The following MAML2 variants were observed in gnomAD, a reference collection of about 807,000 sequenced individuals.
The protein encoded by MAML2 is mastermind like transcriptional coactivator 2, also known as mastermind-like protein 2.
In MAML2, 22 loss-of-function variants were observed where a neutral mutation model predicts 96.1. That is an observed-to-expected ratio of 0.23 (90% CI 0.16 to 0.33). The LOEUF is 0.33. MAML2 is among the 10% of genes least tolerant of loss of function. The probability of loss-of-function intolerance (pLI) is 1.00; values close to 1 mark genes in which losing one functional copy is unlikely to be tolerated. For missense variants in MAML2, 1,367 were observed against 1,392.4 expected (o/e 0.98, Z 0.29); for synonymous variants, 561 against 521.3 (o/e 1.08, Z -1.04).
intron 1 of MAML2, among the ~76,000 whole-genome samples, chr11:96,169,687 G>A (rs1298161851): frequency 7.1e-6 from 1 of 140,652 alleles, no homozygotes; most frequent in African/African-American, 2.6e-5. Flanking sequence ...ATGGAGTCTA[G>A]CTCTGTCACT....
chr11:96,335,623 G>T (rs994327290), intron 1 of MAML2, among the ~76,000 whole-genome samples: 2 of 152,194 alleles, frequency 1.3e-5, no homozygotes, highest in African/African-American at 4.8e-5. Flanking sequence ...TAGGCAATGC[G>T]CTGTGAGAAG....
At chr11:95,994,316 AT>A (rs1857958155) in intron 2 of MAML2, among the ~76,000 whole-genome samples, 2 of 152,206 alleles carry the variant, frequency 1.3e-5, no homozygotes, top group East Asian at 3.9e-4. Flanking sequence ...CCTCTAATAT[AT>A]TTACACCCCT....
intron 1 of MAML2, among the ~76,000 whole-genome samples, chr11:96,228,866 G>C (rs564591650): frequency 1.3e-5 from 2 of 152,268 alleles, no homozygotes; most frequent in Admixed American, 1.3e-4. Context: ...GAGAGCACTA[G>C]GCTCTCCTTT....
rs553072495 is a variant in MAML2, at chr11:96,300,537, GAGAA to G, written c.513+40842_513+40845del. On this transcript the variant is annotated intron_variant, in intron 1 of 4. Coordinates refer to ENST00000524717, the MANE Select transcript of MAML2 (RefSeq NM_032427.4). ...TCTTTACCTGACAGGAGTAAAAGGA[GAGAA>G]ATGTTCTTAGGGGAGAAGCAGATTT... 1.2e-4 allele frequency among the ~76,000 whole-genome samples: 19 copies of G among 152,332 alleles called. No individual in the cohort carries two copies. The East Asian group carries it at 3.5e-3, about 28-fold the overall frequency.
chr11:96,133,980 C>A (rs1432862109), intron 1 of MAML2, among the ~76,000 whole-genome samples: 2 of 151,006 alleles, frequency 1.3e-5, no homozygotes, highest in South Asian at 2.1e-4. Context: ...AGCAACGGAG[C>A]AAGACCCTGC....
rs780614691 is a variant in MAML2, at chr11:96,093,632, T to C, written c.514-115A>G. 411 of 824,666 alleles carry C rather than the reference T, an allele frequency of 5.0e-4. 1 individual carries two copies. The highest frequency in any genetic ancestry group is 6.8e-4 in the Non-Finnish European group (367 of 536,896). The allele number at this position is 824,666 out of a possible 1,614,324, so 51.1% of individuals were successfully genotyped here. A position where few individuals can be genotyped will look rare whatever the true frequency, so the allele number is the denominator to read the frequency against. ...CTTCTATTTACACACAAGATTCAGT[T>C]TTTTAAAAAAATGGCACAGAGAGAG... On this transcript the variant is annotated intron_variant, in intron 1 of 4. Coordinates refer to ENST00000524717, the MANE Select transcript of MAML2 (RefSeq NM_032427.4).
At chr11:96,163,167 C>T (rs183762849) in intron 1 of MAML2, among the ~76,000 whole-genome samples, 3 of 152,202 alleles carry the variant, frequency 2.0e-5, no homozygotes, top group East Asian at 1.9e-4. Context: ...TTCCCAAACC[C>T]GAGACTGTCT....
At chr11:95,984,158 G>T (rs1007472119) in intron 4 of MAML2, among the ~76,000 whole-genome samples, 1 of 152,144 alleles carries the variant, frequency 6.6e-6, no homozygotes, top group Non-Finnish European at 1.5e-5. Flanking sequence ...GCCTACAGTA[G>T]TCATCACACT....
Position 96,092,728 on chromosome 11 carries a change from G to T in MAML2, c.1303C>A (p.Gln435Lys). 6.2e-7 allele frequency: 1 copy of T among 1,613,972 alleles called. No individual in the cohort carries two copies. Among genetic ancestry groups the T allele is most frequent in the Non-Finnish European group, 8.5e-7 (1 of 1,179,902 alleles). The part of the protein sequence containing the change: ...PSWQEVSHAQ[Q>K]LKQIAANRQQ... ...CGATTAGCAGCTATCTGTTTGAGCT[G>T]CTGGGCATGGGATACTTCCTGCCAG... Residue 435 changes from glutamine to lysine, a missense_variant, in exon 2 of 5, where the codon CAG (glutamine) becomes AAG (lysine). Transcript: ENST00000524717. The surrounding 1 kb of genome is among the most constrained non-coding windows in gnomAD (Gnocchi z 4.1).
chr11:96,077,739 C>T (rs1859465851), intron 2 of MAML2, among the ~76,000 whole-genome samples: 1 of 152,202 alleles, frequency 6.6e-6, no homozygotes, highest in Non-Finnish European at 1.5e-5. Flanking sequence ...GTCCACAGTA[C>T]AGGATGGGGA....
intron 2 of MAML2, among the ~76,000 whole-genome samples, chr11:96,009,797 T>A (rs1400467781): frequency 6.6e-6 from 1 of 152,216 alleles, no homozygotes; most frequent in Non-Finnish European, 1.5e-5. Context: ...TTTATTTTGA[T>A]ACGTTTTCCC....
chr11:96,326,358 C>CGTGTGT (rs35138919), intron 1 of MAML2, among the ~76,000 whole-genome samples: 69 of 147,752 alleles, frequency 4.7e-4, no homozygotes, highest in South Asian at 3.2e-3. Context: ...CACACTAAAG[C>CGTGTGT]GTGTGTGTGT....
At chr11:96,007,002 CT>C (rs542623757) in intron 2 of MAML2, among the ~76,000 whole-genome samples, 61 of 149,318 alleles carry the variant, frequency 4.1e-4, no homozygotes, top group Admixed American at 2.7e-3. Context: ...AGATATCAAT[CT>C]TTTTTTTTAT....
In MAML2 at chr11:96,266,566, G is replaced by A. The variant is rs1197142654; in HGVS notation, c.513+74817C>T. Among the ~76,000 whole-genome samples, 4 of 149,432 alleles carry A rather than the reference G, an allele frequency of 2.7e-5. No individual in the cohort carries two copies. In the East Asian group the frequency reaches 5.9e-4, roughly 22 times the overall value. Reference sequence around the variant, plus strand: ...ACCCTGGGCAACAGAGTGAGACTCCGTCTCAAAAAAAAAAAAAGAAAAACA... The same window carrying A: ...ACCCTGGGCAACAGAGTGAGACTCCATCTCAAAAAAAAAAAAAGAAAAACA... On this transcript the variant is annotated intron_variant, in intron 1 of 4. Transcript: ENST00000524717.
intron 2 of MAML2, among the ~76,000 whole-genome samples, chr11:96,002,415 G>A (rs1048988795): frequency 6.6e-6 from 1 of 152,208 alleles, no homozygotes; most frequent in East Asian, 1.9e-4. Context: ...AGCCAATGTT[G>A]TTTTTATGGG....
At chr11:96,297,907 A>G (rs1863325697) in intron 1 of MAML2, among the ~76,000 whole-genome samples, 1 of 152,208 alleles carries the variant, frequency 6.6e-6, no homozygotes, top group Admixed American at 6.5e-5. Context: ...ATCCCTTGGT[A>G]TCCTGTAAAA....
chr11:96,023,438 A>G (rs2135738798), intron 2 of MAML2, among the ~76,000 whole-genome samples: 1 of 152,268 alleles, frequency 6.6e-6, no homozygotes, highest in South Asian at 2.1e-4. Context: ...GTTCCCACAC[A>G]TGTCAAAGCT....
intron 1 of MAML2, among the ~76,000 whole-genome samples, chr11:96,259,735 G>A (rs1862721705): frequency 1.3e-5 from 2 of 152,314 alleles, no homozygotes; most frequent in South Asian, 4.1e-4. Flanking sequence ...TACCTAGCAA[G>A]GCAGGGAATT....
chr11:96,153,161 AT>A (rs71459787), intron 1 of MAML2, among the ~76,000 whole-genome samples: 645 of 142,040 alleles, frequency 4.5e-3, no homozygotes, highest in Non-Finnish European at 4.2e-3. Context: ...TGTTTTTAGA[AT>A]TTTTTTTTTT....
Sources: allele counts gnomAD v4.1 joint callset (sites outside exome capture counted in the v4.1 genomes callset), GRCh38; gene constraint gnomAD v4.1.1; non-coding constraint Gnocchi (gnomAD v3.1); transcripts MANE v1.5; gene names NCBI Gene and HGNC (gene_info 2026-07-23, HGNC 2026-07-21).